Variants in EBF1 observed in about 807,000 individuals in gnomAD.
EBF1 encodes the protein transcription factor COE1.
EBF1 carries 10 observed loss-of-function variants against 68.4 expected under a neutral mutation model. The observed-to-expected ratio is 0.15, with a 90% CI of 0.09 to 0.25. The LOEUF (loss-of-function observed/expected upper bound fraction) is 0.25. EBF1 is among the 10% of genes least tolerant of loss of function. EBF1 has a pLI of 1.00. For synonymous variants in EBF1, 298 were observed against 299.8 expected (o/e 0.99, Z 0.06); for missense variants, 509 against 794.4 (o/e 0.64, Z 4.32).
At chr5:158,823,690 T>C (rs985995821) in intron 7 of EBF1, among the ~76,000 whole-genome samples, 4 of 152,164 alleles carry the variant, frequency 2.6e-5, no homozygotes, top group African/African-American at 9.7e-5. Context: ...ATCATGCAAA[T>C]AAAAATCTTT....
intron 6 of EBF1, among the ~76,000 whole-genome samples, chr5:159,036,380 T>C (rs13359314): frequency 0.05 from 7,425 of 149,858 alleles, 592 homozygotes; most frequent in African/African-American, 0.17. Context: ...AAGCTGGAGG[T>C]ATCACACTAC....
intron 6 of EBF1, among the ~76,000 whole-genome samples, chr5:158,890,559 A>G (rs893338948): frequency 2.6e-5 from 4 of 152,208 alleles, no homozygotes; most frequent in Non-Finnish European, 2.9e-5. Flanking sequence ...TCTCATTGTT[A>G]CAAATGGAGA....
chr5:158,833,820 T>C (rs1247021239), intron 7 of EBF1, among the ~76,000 whole-genome samples: 1 of 152,226 alleles, frequency 6.6e-6, no homozygotes, highest in Non-Finnish European at 1.5e-5. Flanking sequence ...GTTCTATTTG[T>C]TACAAGAGCT....
intron 6 of EBF1, among the ~76,000 whole-genome samples, chr5:158,910,200 A>G (rs955341137): frequency 3.9e-5 from 6 of 152,172 alleles, no homozygotes; most frequent in Admixed American, 2.6e-4. Flanking sequence ...CAGTGTCCCA[A>G]TCTGTAAAAT....
intron 6 of EBF1, among the ~76,000 whole-genome samples, chr5:158,852,234 GT>G (rs1428037573): frequency 2.6e-5 from 4 of 151,772 alleles, no homozygotes; most frequent in African/African-American, 9.7e-5. Context: ...GGTGTGGGGG[GT>G]GGGGGACACA....
intron 6 of EBF1, among the ~76,000 whole-genome samples, chr5:159,028,844 A>T (rs1417555276): frequency 6.6e-6 from 1 of 152,224 alleles, no homozygotes; most frequent in Non-Finnish European, 1.5e-5. Flanking sequence ...AAAGTTCTTG[A>T]AAGAAGGAAC....
chr5:158,739,279 G>C (rs949282654), intron 10 of EBF1, among the ~76,000 whole-genome samples: 1 of 152,198 alleles, frequency 6.6e-6, no homozygotes, highest in Non-Finnish European at 1.5e-5. Context: ...GCTATACTGT[G>C]TCTAAAATGG....
chr5:158,709,434 G>A (rs143321471), intron 14 of EBF1, among the ~76,000 whole-genome samples: 2 of 152,168 alleles, frequency 1.3e-5, no homozygotes, highest in African/African-American at 2.4e-5. Context: ...AAGGAATCAC[G>A]CCCAAATTTG....
At chr5:158,852,118 A>G (rs1323898597) in intron 6 of EBF1, among the ~76,000 whole-genome samples, 1 of 147,852 alleles carries the variant, frequency 6.8e-6, no homozygotes, top group East Asian at 2.0e-4. Context: ...TAGAAAGCTG[A>G]TATTTGGAAA....
At chr5:158,944,799 T>C (rs952115669) in intron 6 of EBF1, among the ~76,000 whole-genome samples, 7 of 152,226 alleles carry the variant, frequency 4.6e-5, no homozygotes, top group African/African-American at 1.4e-4. Flanking sequence ...TGGTTTTGAT[T>C]TGCATTTCTC....
intron 6 of EBF1, among the ~76,000 whole-genome samples, chr5:158,874,529 A>G (rs1797456994): frequency 6.6e-6 from 1 of 152,226 alleles, no homozygotes; most frequent in Admixed American, 6.5e-5. Context: ...GTGTTGGTTA[A>G]CACTGAGACA....
At chr5:159,058,162 G>T (rs546943029) in intron 6 of EBF1, among the ~76,000 whole-genome samples, 1 of 152,154 alleles carries the variant, frequency 6.6e-6, no homozygotes, top group Non-Finnish European at 1.5e-5. Context: ...AAACCCAGCC[G>T]TTTAATCAGA....
At chr5:158,880,587 A>G (rs1798712176) in intron 6 of EBF1, among the ~76,000 whole-genome samples, 1 of 152,226 alleles carries the variant, frequency 6.6e-6, no homozygotes, top group Non-Finnish European at 1.5e-5. Flanking sequence ...TTTCTCAAAC[A>G]TGATGCAGAT....
chr5:158,786,994 T>C (rs1358017301), intron 9 of EBF1, among the ~76,000 whole-genome samples: 2 of 152,200 alleles, frequency 1.3e-5, no homozygotes, highest in African/African-American at 4.8e-5. Flanking sequence ...GTGTTTGTCA[T>C]ATCTAGATAT....
chr5:158,820,691 T>A (rs1364929217), intron 8 of EBF1, among the ~76,000 whole-genome samples: 1 of 152,224 alleles, frequency 6.6e-6, no homozygotes, highest in Non-Finnish European at 1.5e-5. Flanking sequence ...ACTTACACAG[T>A]GAAATGTCAC....
At chr5:158,972,304 C>T (rs186272257) in intron 6 of EBF1, among the ~76,000 whole-genome samples, 5 of 152,296 alleles carry the variant, frequency 3.3e-5, no homozygotes, top group South Asian at 2.1e-4. Flanking sequence ...ATATTACCCA[C>T]GTACTGTCTC....
chr5:159,032,756 T>C (rs997103346), intron 6 of EBF1, among the ~76,000 whole-genome samples: 1 of 152,226 alleles, frequency 6.6e-6, no homozygotes, highest in South Asian at 2.1e-4. Flanking sequence ...AAATTTAACA[T>C]TCATGATTAG....
intron 6 of EBF1, among the ~76,000 whole-genome samples, chr5:158,948,663 T>C (rs112261511): frequency 1.2e-4 from 19 of 152,284 alleles, no homozygotes; most frequent in African/African-American, 4.6e-4. Flanking sequence ...AAGAGGCCGG[T>C]CTGCGCTCTC....
At chr5:159,028,348 A>T (rs1768107885) in intron 6 of EBF1, among the ~76,000 whole-genome samples, 1 of 152,162 alleles carries the variant, frequency 6.6e-6, no homozygotes, top group Non-Finnish European at 1.5e-5. Flanking sequence ...GGACTAAGAA[A>T]ATCTAAGCTT....
Sources: gnomAD v4.1 joint callset for allele counts (sites outside exome capture counted in the v4.1 genomes callset) on GRCh38, gnomAD v4.1.1 for gene constraint, MANE v1.5 for transcripts, NCBI Gene and HGNC (gene_info 2026-07-23, HGNC 2026-07-21) for gene names.